IDE: variants seen among roughly 807,000 people sequenced by gnomAD.
IDE encodes insulin degrading enzyme, also known as insulin-degrading enzyme.
A neutral mutation model predicts 133.2 loss-of-function variants in IDE; 58 were observed. The ratio of observed to expected loss-of-function variants is 0.44; its 90% CI spans 0.35 to 0.54. The LOEUF (loss-of-function observed/expected upper bound fraction) is 0.54, where lower values mean the gene tolerates loss of function less well. Among genes scored for constraint, IDE ranks in the 20% least tolerant of loss-of-function variants. The probability of loss-of-function intolerance (pLI) is 0.00; values close to 1 mark genes in which losing one functional copy is unlikely to be tolerated. For synonymous variants in IDE, 396 were observed against 421.3 expected, an observed-to-expected ratio of 0.94 and a Z score of 0.73; for missense variants, 981 against 1,234.0, an observed-to-expected ratio of 0.79 and a Z score of 3.07.
At chr10:92,511,753 G>C (rs1848643882) in intron 5 of IDE, among the ~76,000 whole-genome samples, 1 of 152,150 alleles carries the variant, frequency 6.6e-6, no homozygotes, top group African/African-American at 2.4e-5. Flanking sequence ...AGGCAGATCA[G>C]TGGCTGCCTA....
At chr10:92,515,198 G>C (rs1848838194) in intron 4 of IDE, among the ~76,000 whole-genome samples, 156 bp from the exon 5 acceptor site, 1 of 151,814 alleles carries the variant, frequency 6.6e-6, no homozygotes, top group African/African-American at 2.4e-5. Flanking sequence ...TGAATAAACA[G>C]GATAATAGAG....
rs983153367 is a variant in IDE, at chr10:92,461,399, C to T, written c.2762-147G>A. On this transcript the variant is annotated intron_variant, in intron 21 of 24. Transcript: ENST00000265986. ...AGACAGAGTTTCACTCTGTCACCCA[C>T]GCTGGAGTGCAGTGGCTCGATCTCG... 9.4e-5 allele frequency: 43 copies of T among 456,110 alleles called. No individual in the cohort carries two copies. The Middle Eastern group carries it at 3.1e-3, about 33-fold the overall frequency. 28.3% of individuals were successfully genotyped at this position (456,110 alleles called of 1,614,324 possible). A position where few individuals can be genotyped will look rare whatever the true frequency, so the allele number is the denominator to read the frequency against.
chr10:92,563,011 G>A (rs1456610071), intron 1 of IDE, among the ~76,000 whole-genome samples: 2 of 152,322 alleles, frequency 1.3e-5, no homozygotes, highest in South Asian at 2.1e-4. Context: ...AGCACTTTGG[G>A]AGGCCGAGGT....
At chr10:92,537,713 T>G (rs1455614514) in intron 1 of IDE, among the ~76,000 whole-genome samples, 163 bp from the exon 2 acceptor site, 1 of 152,216 alleles carries the variant, frequency 6.6e-6, no homozygotes, top group Non-Finnish European at 1.5e-5. Flanking sequence ...TCCTCCCTCT[T>G]ACCCCTCATT....
chr10:92,470,765 C>T (rs996584077), intron 17 of IDE, among the ~76,000 whole-genome samples: 1 of 152,072 alleles, frequency 6.6e-6, no homozygotes, highest in Admixed American at 6.5e-5. Context: ...TGTTTTCTCA[C>T]AATTAGATTT....
intron 1 of IDE, among the ~76,000 whole-genome samples, chr10:92,541,046 T>C (rs975461863): frequency 2.6e-5 from 4 of 152,150 alleles, no homozygotes; most frequent in African/African-American, 7.2e-5. Flanking sequence ...AATAAAGAGA[T>C]AGATTTATTC....
chr10:92,485,296 T>G (rs1226175624), intron 13 of IDE, among the ~76,000 whole-genome samples: 2 of 152,032 alleles, frequency 1.3e-5, no homozygotes, highest in African/African-American at 4.8e-5. Context: ...CAGCTAATTT[T>G]TTTTAGTAGA....
At chr10:92,485,815 C>T (rs375676613) in intron 13 of IDE, among the ~76,000 whole-genome samples, 30 of 151,992 alleles carry the variant, frequency 2.0e-4, no homozygotes, top group African/African-American at 6.0e-4. Flanking sequence ...GTGTGGTGTG[C>T]GTCTGTAATC....
chr10:92,527,972 C>T (rs116847870), intron 4 of IDE, among the ~76,000 whole-genome samples: 3,182 of 152,270 alleles, frequency 0.021, 49 homozygotes, highest in Admixed American at 0.052. Flanking sequence ...GCCAAGGTCA[C>T]GCCACTGTAC....
At position 92,514,402 on chromosome 10, in the gene IDE, T is replaced by C. The variant is rs1212366289; in HGVS notation, c.784+518A>G. On this transcript the variant is annotated intron_variant, in intron 5 of 24. Coordinates refer to ENST00000265986, the MANE Select transcript of IDE (RefSeq NM_004969.4). ...CTTTTTTTTTTTCCAGTTTTTTGAATTGTTATAAGGTCAAATCTGCCAATC... is the reference window on the plus strand; with the variant it reads ...CTTTTTTTTTTTCCAGTTTTTTGAACTGTTATAAGGTCAAATCTGCCAATC... 5.3e-5 allele frequency among the ~76,000 whole-genome samples: 8 copies of C among 152,060 alleles called. No homozygotes were observed. In the East Asian group the frequency reaches 1.2e-3, roughly 22 times the overall value.
intron 1 of IDE, among the ~76,000 whole-genome samples, chr10:92,570,082 G>C (rs1276248082): frequency 6.6e-6 from 1 of 151,758 alleles, no homozygotes; most frequent in Non-Finnish European, 1.5e-5. Flanking sequence ...TCTCCAGCCT[G>C]GGCAACAGAA....
intron 18 of IDE, 26 bp from the exon 19 acceptor site, chr10:92,469,016 T>G: frequency 7.8e-7 from 1 of 1,280,270 alleles, no homozygotes; most frequent in East Asian, 2.3e-5. Flanking sequence ...TGTCCCAGCA[T>G]ATTACAAAAA....
chr10:92,498,081 T>C (rs1353408252), intron 11 of IDE, among the ~76,000 whole-genome samples: 2 of 152,224 alleles, frequency 1.3e-5, no homozygotes, highest in African/African-American at 2.4e-5. Flanking sequence ...TCATTTTACA[T>C]CATACAGATA....
At chr10:92,573,503 A>C in intron 1 of IDE, among the ~76,000 whole-genome samples, 1 of 152,222 alleles carries the variant, frequency 6.6e-6, no homozygotes, top group East Asian at 1.9e-4. Context: ...GTCCCCCCGA[A>C]GTCGCCGGAT....
At position 92,552,857 on chromosome 10, in the gene IDE, C is replaced by CAAAAA. The variant is rs71028827; in HGVS notation, c.99-15312_99-15308dup. On this transcript the variant is annotated intron_variant, in intron 1 of 24. Coordinates refer to ENST00000265986, the MANE Select transcript of IDE (RefSeq NM_004969.4). ...TGGGTGACAGAGTAAGACTCAGTCTCAAAAAAAAAAAAAAAAAAAAATTAT... is the reference window on the plus strand; with the variant it reads ...TGGGTGACAGAGTAAGACTCAGTCTCAAAAAAAAAAAAAAAAAAAAAAAAAATTAT... Among the ~76,000 whole-genome samples the CAAAAA allele has an allele frequency of 5.7e-4, 28 of 49,378 alleles. 1 individual carries two copies. The highest frequency in any genetic ancestry group is 2.6e-3 in the African/African-American group (24 of 9,342). 32.4% of individuals were successfully genotyped at this position (49,378 alleles called of 152,430 possible). A position where few individuals can be genotyped will look rare whatever the true frequency, so the allele number is the denominator to read the frequency against.
At chr10:92,545,106 A>G (rs909810479) in intron 1 of IDE, among the ~76,000 whole-genome samples, 2 of 152,200 alleles carry the variant, frequency 1.3e-5, no homozygotes, top group Non-Finnish European at 1.5e-5. Context: ...AGAATATCAT[A>G]GAAACTATGG....
At chr10:92,508,315 CTCTTGCGAA>C in intron 7 of IDE, 110 bp from the exon 8 acceptor site, 2 of 836,574 alleles carry the variant, frequency 2.4e-6, no homozygotes, top group Non-Finnish European at 3.9e-6. Context: ...CAGAATGAAC[CTCTTGCGAA>C]AAGATTGGGA....
intron 11 of IDE, among the ~76,000 whole-genome samples, chr10:92,495,879 A>C (rs1488469949): frequency 6.6e-6 from 1 of 151,346 alleles, no homozygotes; most frequent in Non-Finnish European, 1.5e-5. Flanking sequence ...CCATTTTTTA[A>C]GTGTTTTTTT....
At chr10:92,526,931 T>C (rs1473452888) in intron 4 of IDE, among the ~76,000 whole-genome samples, 1 of 151,544 alleles carries the variant, frequency 6.6e-6, no homozygotes, top group Non-Finnish European at 1.5e-5. Context: ...ACCATCCTCC[T>C]GCCTCAGCCT....
Sources: allele counts gnomAD v4.1 joint callset (sites outside exome capture counted in the v4.1 genomes callset), GRCh38; gene constraint gnomAD v4.1.1; transcripts MANE v1.5; gene names NCBI Gene and HGNC (gene_info 2026-07-23, HGNC 2026-07-21).